Variants in PRKN observed in about 807,000 individuals in gnomAD.
PRKN encodes the protein E3 ubiquitin-protein ligase parkin.
A neutral mutation model predicts 59.5 loss-of-function variants in PRKN; 56 were observed. The observed-to-expected ratio is 0.94, with a 90% CI of 0.76 to 1.18. The LOEUF (loss-of-function observed/expected upper bound fraction) is 1.18. Among genes scored for constraint, PRKN ranks in the 50% most tolerant of loss-of-function variants. The pLI is 0.00. For missense variants in PRKN, 657 were observed against 596.4 expected, an observed-to-expected ratio of 1.10 and a Z score of -1.06; for synonymous variants, 250 against 222.1, an observed-to-expected ratio of 1.13 and a Z score of -1.12.
chr6:161,933,423 A>G (rs1320119788), intron 6 of PRKN, among the ~76,000 whole-genome samples: 3 of 152,198 alleles, frequency 2.0e-5, no homozygotes, highest in African/African-American at 7.2e-5. Flanking sequence ...AACCTTGAAC[A>G]TTTTTACAAA....
At chr6:162,343,188 C>T (rs1232219079) in intron 2 of PRKN, among the ~76,000 whole-genome samples, 2 of 152,124 alleles carry the variant, frequency 1.3e-5, no homozygotes, top group African/African-American at 4.8e-5. Context: ...CTGACATCAA[C>T]TTGAAAAAAG....
chr6:162,341,922 G>C (rs1205014680), intron 2 of PRKN, among the ~76,000 whole-genome samples: 1 of 151,282 alleles, frequency 6.6e-6, no homozygotes, highest in Non-Finnish European at 1.5e-5. Context: ...AAAAACTCCT[G>C]GTGTCACTTC....
intron 2 of PRKN, among the ~76,000 whole-genome samples, chr6:162,425,633 C>A (rs1446964930): frequency 6.6e-6 from 1 of 151,958 alleles, no homozygotes. Context: ...AAAAATGGTA[C>A]AACTATGAAT....
chr6:161,481,010 G>T (rs1410039850), intron 9 of PRKN, among the ~76,000 whole-genome samples: 1 of 152,218 alleles, frequency 6.6e-6, no homozygotes, highest in Non-Finnish European at 1.5e-5. Flanking sequence ...CGAGACGCGG[G>T]CTCCAGGCAG....
intron 6 of PRKN, among the ~76,000 whole-genome samples, chr6:161,915,302 G>T (rs1778513235): frequency 6.6e-6 from 1 of 151,942 alleles, no homozygotes. Context: ...AATAAAATAA[G>T]ATGTTCTTTT....
In PRKN at chr6:161,754,330, G is replaced by A. The variant is rs149155818; in HGVS notation, c.871+31442C>T. 6.8e-3 allele frequency among the ~76,000 whole-genome samples: 1,036 copies of A among 152,128 alleles called. 8 individuals are homozygous for A. The highest frequency in any genetic ancestry group is 0.024 in the African/African-American group (986 of 41,498). Reference sequence around the variant, plus strand: ...TGACTCCGAGGGCCTAGGAGATGTGGAGAGGGAGGGGCAAGCAGAGGAAGG... The same window carrying A: ...TGACTCCGAGGGCCTAGGAGATGTGAAGAGGGAGGGGCAAGCAGAGGAAGG... On this transcript the variant is annotated intron_variant, in intron 7 of 11. Coordinates refer to ENST00000366898, the MANE Select transcript of PRKN (RefSeq NM_004562.3).
chr6:161,964,693 A>G (rs1299939623), intron 6 of PRKN, among the ~76,000 whole-genome samples: 2 of 152,090 alleles, frequency 1.3e-5, no homozygotes, highest in African/African-American at 4.8e-5. Flanking sequence ...ATCTTCCAAC[A>G]ATTTCCATGA....
chr6:161,883,007 AGAAAAC>A (rs1794996028), intron 6 of PRKN, among the ~76,000 whole-genome samples: 1 of 139,218 alleles, frequency 7.2e-6, no homozygotes, highest in African/African-American at 2.8e-5. Context: ...TCTGACTCAA[AGAAAAC>A]AAAAAACAAC....
intron 1 of PRKN, among the ~76,000 whole-genome samples, chr6:162,590,745 CT>C (rs982170426): frequency 1.3e-5 from 2 of 152,178 alleles, no homozygotes; most frequent in African/African-American, 4.8e-5. Flanking sequence ...CTCTGGAATA[CT>C]TTTTTATTAT....
At chr6:162,143,592 T>C (rs1370875635) in intron 4 of PRKN, among the ~76,000 whole-genome samples, 1 of 152,206 alleles carries the variant, frequency 6.6e-6, no homozygotes, top group African/African-American at 2.4e-5. Context: ...TTCATGCTGA[T>C]ATGAGCAGCC....
At chr6:162,367,173 C>T (rs987266303) in intron 2 of PRKN, among the ~76,000 whole-genome samples, 7 of 152,050 alleles carry the variant, frequency 4.6e-5, no homozygotes, top group Non-Finnish European at 7.4e-5. Flanking sequence ...CCCTTTTGCT[C>T]GGCAGTTCTC....
At chr6:162,179,220 G>T (rs970643864) in intron 4 of PRKN, among the ~76,000 whole-genome samples, 1 of 152,190 alleles carries the variant, frequency 6.6e-6, no homozygotes, top group Non-Finnish European at 1.5e-5. Flanking sequence ...TGGGCCTGCA[G>T]CTCTGTGGAT....
intron 7 of PRKN, among the ~76,000 whole-genome samples, chr6:161,739,208 G>C (rs560184562): frequency 1.5e-3 from 224 of 152,168 alleles, no homozygotes; most frequent in African/African-American, 5.2e-3. Context: ...AGGAGTTCAA[G>C]ACCAGTCTGG....
intron 4 of PRKN, among the ~76,000 whole-genome samples, chr6:162,107,651 G>A (rs933753869): frequency 6.6e-6 from 1 of 152,152 alleles, no homozygotes. Context: ...TGTTGTTACT[G>A]TTATATCACT....
intron 6 of PRKN, among the ~76,000 whole-genome samples, chr6:161,843,290 A>C (rs920738741): frequency 3.3e-5 from 5 of 152,182 alleles, no homozygotes; most frequent in African/African-American, 1.2e-4. Context: ...CCACAGAGCC[A>C]CTGAAGCCAC....
chr6:161,441,670 A>T (rs1416425125), intron 9 of PRKN, among the ~76,000 whole-genome samples: 1 of 143,624 alleles, frequency 7.0e-6, no homozygotes, highest in African/African-American at 2.7e-5. Context: ...AAAAAAAAAA[A>T]AGGATCTGAG....
chr6:161,351,347 G>A (rs908264070), intron 11 of PRKN, among the ~76,000 whole-genome samples: 6 of 149,168 alleles, frequency 4.0e-5, no homozygotes, highest in African/African-American at 1.2e-4. Flanking sequence ...TTTTTGAGAT[G>A]GAGTTTTGCT....
At chr6:162,045,339 C>T (rs375487253) in intron 5 of PRKN, among the ~76,000 whole-genome samples, 13 of 152,132 alleles carry the variant, frequency 8.5e-5, no homozygotes, top group Admixed American at 2.6e-4. Flanking sequence ...ATAATACTTG[C>T]GTAAGATGAT....
At chr6:162,534,901 AC>A (rs984532570) in intron 1 of PRKN, among the ~76,000 whole-genome samples, 3 of 151,522 alleles carry the variant, frequency 2.0e-5, no homozygotes, top group African/African-American at 7.3e-5. Context: ...CTCTGCCTTG[AC>A]CCCCTGCCTT....
Sources: gnomAD v4.1 joint callset for allele counts (sites outside exome capture counted in the v4.1 genomes callset) on GRCh38, gnomAD v4.1.1 for gene constraint, MANE v1.5 for transcripts, NCBI Gene and HGNC (gene_info 2026-07-23, HGNC 2026-07-21) for gene names.